SSH2: variants seen among roughly 807,000 people sequenced by gnomAD.
SSH2 encodes the protein protein phosphatase Slingshot homolog 2.
A neutral mutation model predicts 135.2 loss-of-function variants in SSH2; 37 were observed. The ratio of observed to expected loss-of-function variants is 0.27; its 90% CI spans 0.21 to 0.36. SSH2 has a LOEUF of 0.36. Among genes scored for constraint, SSH2 ranks in the 10% least tolerant of loss-of-function variants. The pLI is 1.00. For missense variants in SSH2, 1,408 were observed against 1,765.3 expected, an observed-to-expected ratio of 0.80 and a Z score of 3.63; for synonymous variants, 628 against 646.2, an observed-to-expected ratio of 0.97 and a Z score of 0.43.
intron 1 of SSH2, among the ~76,000 whole-genome samples, chr17:29,867,244 G>T (rs1386312111): frequency 6.6e-6 from 1 of 152,178 alleles, no homozygotes; most frequent in Non-Finnish European, 1.5e-5. Flanking sequence ...CTGAAAGCAT[G>T]CAATTCTTTT....
At chr17:29,733,026 A>G (rs139407550) in intron 3 of SSH2, among the ~76,000 whole-genome samples, 2 of 151,882 alleles carry the variant, frequency 1.3e-5, no homozygotes, top group East Asian at 1.9e-4. Context: ...TGGGAAATGG[A>G]AAAAAAACAG....
chr17:29,874,059 G>A (rs1471005564), intron 1 of SSH2, among the ~76,000 whole-genome samples: 2 of 152,182 alleles, frequency 1.3e-5, no homozygotes, highest in African/African-American at 4.8e-5. Flanking sequence ...TCGGGAGGCT[G>A]AGGTGGGTGG....
chr17:29,658,867 CAAA>C (rs541052752), intron 11 of SSH2, among the ~76,000 whole-genome samples: 2 of 33,408 alleles, frequency 6.0e-5, no homozygotes, highest in African/African-American at 2.1e-4. Flanking sequence ...AACTCCGTCT[CAAA>C]AAAAAAAAAA....
chr17:29,849,006 C>T, intron 1 of SSH2, 77 bp from the exon 2 acceptor site: 2 of 942,110 alleles, frequency 2.1e-6, no homozygotes, highest in South Asian at 2.9e-5. Context: ...AAGCTGAAAT[C>T]ACTGAGTCAG....
intron 2 of SSH2, chr17:29,838,831 C>A (rs1367461109): frequency 5.7e-6 from 1 of 174,936 alleles, no homozygotes. Context: ...GCATACCTCA[C>A]TCTTCCTGGA....
At position 29,742,481 on chromosome 17, in the gene SSH2, G is replaced by GTTTT. The variant is rs35446491; in HGVS notation, c.189-39423_189-39420dup. On this transcript the variant is annotated intron_variant, in intron 3 of 15. Coordinates refer to ENST00000540801, the MANE Select transcript of SSH2 (RefSeq NM_001282129.2). ...CGAGAGGTATGTGCCACCACACCCA[G>GTTTT]TTTTTTTTTTTTTTTTTTTCTTTTC... Among the ~76,000 whole-genome samples, 37 of 90,598 alleles carry GTTTT rather than the reference G, an allele frequency of 4.1e-4. 2 individuals are homozygous for GTTTT. Among genetic ancestry groups the GTTTT allele is most frequent in the African/African-American group, 8.7e-4 (16 of 18,418 alleles). The allele number at this position is 90,598 out of a possible 152,430, so 59.4% of individuals were successfully genotyped here.
At chr17:29,887,466 A>T (rs1478508249) in intron 1 of SSH2, among the ~76,000 whole-genome samples, 3 of 152,216 alleles carry the variant, frequency 2.0e-5, no homozygotes, top group Non-Finnish European at 4.4e-5. Flanking sequence ...AAGGCAGGCC[A>T]ATCTTTGGTA....
chr17:29,754,368 G>C (rs2151238012), intron 3 of SSH2, among the ~76,000 whole-genome samples: 1 of 152,224 alleles, frequency 6.6e-6, no homozygotes, highest in African/African-American at 2.4e-5. Flanking sequence ...AAGAGCATTA[G>C]TACTATTACT....
chr17:29,925,339 A>T, intron 1 of SSH2: 1 of 390,982 alleles, frequency 2.6e-6, no homozygotes, highest in Non-Finnish European at 4.5e-6. Flanking sequence ...AAAGGGTACA[A>T]AGTTTCCATT....
chr17:29,850,003 C>T (rs1298881568), intron 1 of SSH2, among the ~76,000 whole-genome samples: 1 of 136,292 alleles, frequency 7.3e-6, no homozygotes, highest in Non-Finnish European at 1.5e-5. Flanking sequence ...GCACTCCAGC[C>T]TGGGTGACAG....
At chr17:29,721,252 A>G (rs1567914519) in intron 3 of SSH2, among the ~76,000 whole-genome samples, 3 of 152,178 alleles carry the variant, frequency 2.0e-5, no homozygotes, top group South Asian at 4.1e-4. Context: ...TTTAACTTTC[A>G]TATGTGTTTT....
intron 2 of SSH2, among the ~76,000 whole-genome samples, chr17:29,813,654 C>A (rs1455806516): frequency 6.7e-6 from 1 of 150,238 alleles, no homozygotes; most frequent in Admixed American, 6.7e-5. Flanking sequence ...CCCGTCTCTA[C>A]TAAAAATACA....
rs115276935 is a variant in SSH2 at position 29,782,191 on chromosome 17, G to A, written c.188+11703C>T. On this transcript the variant is annotated intron_variant, in intron 3 of 15. Coordinates refer to ENST00000540801, the MANE Select transcript of SSH2 (RefSeq NM_001282129.2). ...TTCAAACTGTTTCTACTTGAATAAT[G>A]CCCCGTTGTTTCATATATCCAAAGT... Among the ~76,000 whole-genome samples the A allele has an allele frequency of 2.0e-3, 304 of 152,140 alleles. 1 individual carries two copies. Among genetic ancestry groups the A allele is most frequent in the African/African-American group, 7.1e-3 (294 of 41,524 alleles).
chr17:29,802,635 A>G (rs978127757), intron 2 of SSH2, among the ~76,000 whole-genome samples: 9 of 151,084 alleles, frequency 6.0e-5, no homozygotes, highest in East Asian at 1.9e-4. Flanking sequence ...AAAAAAAAAA[A>G]AAAGAAAAGA....
chr17:29,787,059 T>C (rs990280180), intron 3 of SSH2, among the ~76,000 whole-genome samples: 2 of 152,210 alleles, frequency 1.3e-5, no homozygotes, highest in Non-Finnish European at 2.9e-5. Context: ...TTCACAATGT[T>C]GTGCAACCAC....
chr17:29,767,376 CTT>C (rs59803619), intron 3 of SSH2, among the ~76,000 whole-genome samples: 1 of 145,120 alleles, frequency 6.9e-6, no homozygotes, highest in Non-Finnish European at 1.5e-5. Flanking sequence ...TTTCTTTTTT[CTT>C]TTTTTTTTTT....
intron 5 of SSH2, 43 bp from the exon 6 acceptor site, chr17:29,684,727 A>G (rs1312761607): frequency 6.3e-7 from 1 of 1,580,744 alleles, no homozygotes; most frequent in Non-Finnish European, 8.6e-7. Context: ...AATTTAGGAC[A>G]TTAATTTCAG....
intron 5 of SSH2, among the ~76,000 whole-genome samples, chr17:29,685,721 G>A (rs1183512006): frequency 4.0e-5 from 6 of 149,718 alleles, no homozygotes; most frequent in East Asian, 2.0e-4. Flanking sequence ...CCCAGGAGGC[G>A]GAGGTTGCAG....
At chr17:29,643,300 T>C in intron 14 of SSH2, 1 of 985,154 alleles carries the variant, frequency 1.0e-6, no homozygotes. Context: ...CAGCTATATA[T>C]CCAACAGCCA....
Sources: allele counts gnomAD v4.1 joint callset (sites outside exome capture counted in the v4.1 genomes callset), GRCh38; gene constraint gnomAD v4.1.1; transcripts MANE v1.5; gene names NCBI Gene and HGNC (gene_info 2026-07-23, HGNC 2026-07-21).